The following GDA variants were observed in gnomAD, a reference collection of about 807,000 sequenced individuals.
The protein encoded by GDA is cytoplasmic PSD-95 interactor.
A neutral mutation model predicts 59.6 loss-of-function variants in GDA; 18 were observed. The ratio of observed to expected loss-of-function variants is 0.30; its 90% CI spans 0.21 to 0.45. The LOEUF (loss-of-function observed/expected upper bound fraction) is 0.45. Among genes scored for constraint, GDA ranks in the 20% least tolerant of loss-of-function variants. The probability of loss-of-function intolerance (pLI) is 1.00; values close to 1 mark genes in which losing one functional copy is unlikely to be tolerated. For synonymous variants in GDA, 201 were observed against 201.1 expected (o/e 1.00, Z 0.00); for missense variants, 427 against 552.3 (o/e 0.77, Z 2.27).
At chr9:72,166,013 G>A (rs1452513989) in intron 1 of GDA, among the ~76,000 whole-genome samples, 2 of 152,000 alleles carry the variant, frequency 1.3e-5, no homozygotes, top group Admixed American at 6.6e-5. Context: ...TTCCCTTCTG[G>A]GTGAATGACT....
chr9:72,216,176 G>A (rs754583828), intron 5 of GDA, among the ~76,000 whole-genome samples: 14 of 152,184 alleles, frequency 9.2e-5, no homozygotes, highest in Non-Finnish European at 1.9e-4. Context: ...GGGACCCTGT[G>A]AGCATGCTCT....
chr9:72,157,321 G>A (rs532667445), intron 1 of GDA, among the ~76,000 whole-genome samples: 3 of 152,254 alleles, frequency 2.0e-5, no homozygotes, highest in African/African-American at 7.2e-5. Context: ...GATTACAGGC[G>A]TGAGCCACGG....
chr9:72,140,116 G>T (rs1296134105), intron 1 of GDA, among the ~76,000 whole-genome samples: 1 of 152,188 alleles, frequency 6.6e-6, no homozygotes, highest in Non-Finnish European at 1.5e-5. Context: ...ATGAGACCCA[G>T]ATCAGAGTGT....
chr9:72,195,200 G>T (rs767050357), intron 1 of GDA, among the ~76,000 whole-genome samples: 5 of 152,082 alleles, frequency 3.3e-5, no homozygotes, highest in Non-Finnish European at 7.3e-5. Flanking sequence ...CTGCCATCTT[G>T]CTCCGCCTCT....
At chr9:72,147,614 CTAT>C (rs745591807), upstream of GDA, among the ~76,000 whole-genome samples, 3 of 103,618 alleles carry the variant, frequency 2.9e-5, no homozygotes, top group Admixed American at 1.0e-4. Flanking sequence ...AAACTAGTCT[CTAT>C]TTTTTTTTTT....
chr9:72,159,155 C>G (rs1358623284), intron 1 of GDA, among the ~76,000 whole-genome samples: 1 of 152,032 alleles, frequency 6.6e-6, no homozygotes, highest in African/African-American at 2.4e-5. Flanking sequence ...ATGTGTAATA[C>G]AAAAACGAGG....
chr9:72,143,088 T>C (rs1329651969), intron 1 of GDA, among the ~76,000 whole-genome samples: 1 of 149,048 alleles, frequency 6.7e-6, no homozygotes, highest in African/African-American at 2.5e-5. Flanking sequence ...TTATAATCCA[T>C]GTTGGAGCAT....
intron 1 of GDA, among the ~76,000 whole-genome samples, chr9:72,131,171 C>A (rs372805113): frequency 3.9e-5 from 6 of 152,234 alleles, no homozygotes; most frequent in African/African-American, 1.2e-4. Flanking sequence ...GGAAACACAC[C>A]AAGAGACTCT....
At chr9:72,177,300 G>A (rs890254688) in intron 1 of GDA, among the ~76,000 whole-genome samples, 1 of 151,842 alleles carries the variant, frequency 6.6e-6, no homozygotes, top group African/African-American at 2.4e-5. Flanking sequence ...GTTTCACTAT[G>A]TTGGCCAGAC....
intron 1 of GDA, among the ~76,000 whole-genome samples, chr9:72,169,980 G>C (rs1461121873): frequency 1.3e-5 from 2 of 152,142 alleles, no homozygotes; most frequent in Non-Finnish European, 2.9e-5. Flanking sequence ...CCAGGAGGAG[G>C]TGTTCTCTCT....
rs373179585 is a variant in GDA at position 72,118,273 on chromosome 9, CAAAAAAAAAAAA to C, written c.-100+3453_-100+3464del. Among the ~76,000 whole-genome samples, 167 of 66,172 alleles carry C rather than the reference CAAAAAAAAAAAA, an allele frequency of 2.5e-3. 4 individuals are homozygous for C. The highest frequency in any genetic ancestry group is 0.011 in the African/African-American group (158 of 14,792). 43.4% of individuals were successfully genotyped at this position (66,172 alleles called of 152,430 possible). A position where few individuals can be genotyped will look rare whatever the true frequency, so the allele number is the denominator to read the frequency against. The stretch of plus-strand genomic sequence containing the variant: ...GGCGACAGAGCAAGAGACTCCACCT[CAAAAAAAAAAAA>C]AAAAAAAAAAAAGAATGTAAATTCA... On this transcript the variant is annotated intron_variant, in intron 1 of 13. Transcript: ENST00000545168.
intron 1 of GDA, among the ~76,000 whole-genome samples, chr9:72,122,609 T>C (rs1359833061): frequency 6.7e-6 from 1 of 150,244 alleles, no homozygotes; most frequent in Non-Finnish European, 1.5e-5. Flanking sequence ...TTATTTTCAT[T>C]GCTTTTGGAA....
At chr9:72,159,142 G>A (rs977620879) in intron 1 of GDA, among the ~76,000 whole-genome samples, 3 of 152,166 alleles carry the variant, frequency 2.0e-5, no homozygotes, top group African/African-American at 7.2e-5. Flanking sequence ...TGTGTTGAAT[G>A]TGATGTGTAA....
At chr9:72,202,807 G>A in intron 3 of GDA, 65 bp downstream of exon 3, 1 of 1,250,272 alleles carries the variant, frequency 8.0e-7, no homozygotes, top group East Asian at 2.4e-5. Context: ...AGTTTCCTAG[G>A]ACAGATTTAA....
chr9:72,149,517 G>A lies in GDA; in HGVS notation c.-43G>A. 1.2e-6 allele frequency: 2 copies of A among 1,601,232 alleles called. No homozygotes were observed. ...GTCCCGCTGCGTCTCCGCCGCGTGC[G>A]CCCTCCTCGACCAGCAGACCCGCGC... On this transcript the variant is annotated 5_prime_UTR_variant, in exon 1 of 14. Coordinates refer to ENST00000358399, the MANE Select transcript of GDA (RefSeq NM_004293.5).
intron 1 of GDA, among the ~76,000 whole-genome samples, chr9:72,115,939 A>T (rs992315010): frequency 3.9e-5 from 6 of 152,224 alleles, no homozygotes; most frequent in African/African-American, 1.4e-4. Context: ...ATAGTAAGAG[A>T]CAATAACTAT....
intron 1 of GDA, among the ~76,000 whole-genome samples, chr9:72,161,797 A>G (rs2130849287): frequency 6.6e-6 from 1 of 152,336 alleles, no homozygotes; most frequent in Non-Finnish European, 1.5e-5. Context: ...CCATCATAGT[A>G]CTTTACACAG....
intron 2 of GDA, among the ~76,000 whole-genome samples, chr9:72,200,575 G>A (rs920489344): frequency 2.0e-5 from 3 of 147,652 alleles, no homozygotes; most frequent in Admixed American, 6.8e-5. Flanking sequence ...GGGCTTGGCG[G>A]TTTCCTAAAT....
chr9:72,153,161 G>C (rs1010807705), intron 1 of GDA, among the ~76,000 whole-genome samples: 186 of 152,126 alleles, frequency 1.2e-3, no homozygotes, highest in African/African-American at 4.3e-3. Context: ...TCTCTGTTTT[G>C]GTACCAGTAC....
Sources: gnomAD v4.1 joint callset for allele counts (sites outside exome capture counted in the v4.1 genomes callset) on GRCh38, gnomAD v4.1.1 for gene constraint, MANE v1.5 for transcripts, NCBI Gene and HGNC (gene_info 2026-07-23, HGNC 2026-07-21) for gene names.